The following TBC1D9B variants were observed in gnomAD, a reference collection of about 807,000 sequenced individuals.
TBC1D9B encodes TBC1 domain family, member 9B (with GRAM domain).
In TBC1D9B, 87 loss-of-function variants were observed where a neutral mutation model predicts 121.1. That is an observed-to-expected ratio of 0.72 (90% CI 0.60 to 0.86). The LOEUF is 0.86. Ranked by LOEUF, TBC1D9B falls within the 40% of genes least tolerant of loss-of-function variation. TBC1D9B has a pLI of 0.00. For synonymous variants in TBC1D9B, 668 were observed against 670.1 expected (o/e 1.00, Z 0.05); for missense variants, 1,540 against 1,628.6 (o/e 0.95, Z 0.94).
rs1026035376 is a variant in TBC1D9B, at chr5:179,904,989, G to A, written c.119-177C>T. ...AGGCCTTCAGCCAGTGTCTGATCCCGATCAAAAACATCCCCTTCTACTTCT... is the reference window on the plus strand; with the variant it reads ...AGGCCTTCAGCCAGTGTCTGATCCCAATCAAAAACATCCCCTTCTACTTCT... On this transcript the variant is annotated intron_variant, in intron 1 of 20. Transcript: ENST00000355235. This position sits in a 1 kb window ranked among gnomAD's most constrained non-coding sequence, Gnocchi z 4.2. 1.3e-5 allele frequency among the ~76,000 whole-genome samples: 2 copies of A among 152,182 alleles called. No homozygotes were observed. The highest frequency in any genetic ancestry group is 2.1e-4 in the South Asian group (1 of 4,828).
rs1186760410 is a variant in TBC1D9B at position 179,876,009 on chromosome 5, AG to A, written c.1810del (p.Leu604CysfsTer59). 2 of 1,612,722 alleles carry A rather than the reference AG, an allele frequency of 1.2e-6. No homozygotes were observed. Among genetic ancestry groups the A allele is most frequent in the African/African-American group, 2.7e-5 (2 of 74,880 alleles). ...GGCCTCCTCCTCACTGCCATAGAGC[AG>A]GAGCACCGAGGTCACGATGTTCATT... ...QAMNIVTSVL[L>X]LYGSEEEAFW... is the part of the protein sequence containing the mutation. On this transcript the variant is annotated frameshift_variant, in exon 11 of 21. Coordinates refer to ENST00000355235, the MANE Select transcript of TBC1D9B (RefSeq NM_015043.4). LOFTEE classifies it high-confidence loss of function.
intron 3 of TBC1D9B, among the ~76,000 whole-genome samples, chr5:179,895,932 G>T (rs1275127814): frequency 6.6e-6 from 1 of 152,188 alleles, no homozygotes; most frequent in Admixed American, 6.5e-5. Context: ...CACAGGAAAA[G>T]CTCTTTCTGC....
rs1760305379 is a variant in TBC1D9B at position 179,874,595 on chromosome 5, G to A, written c.2186+307C>T. On this transcript the variant is annotated intron_variant, in intron 12 of 20. Transcript: ENST00000355235. This position sits in a 1 kb window ranked among gnomAD's most constrained non-coding sequence, Gnocchi z 4.3. ...CCCAGCTGTGCCACCAACTGGAATT[G>A]TGGTCACTGGATCTTGGCTCTGGTT... Among the ~76,000 whole-genome samples, 2 of 152,204 alleles carry A rather than the reference G, an allele frequency of 1.3e-5. No homozygotes were observed. Among genetic ancestry groups the A allele is most frequent in the African/African-American group, 4.8e-5 (2 of 41,444 alleles).
At chr5:179,871,719 C>A in intron 14 of TBC1D9B, 189 bp from the exon 15 acceptor site, 1 of 567,888 alleles carries the variant, frequency 1.8e-6, no homozygotes, top group Non-Finnish European at 3.2e-6. Context: ...CCCCCACCTA[C>A]CACTCAGCTC....
intron 3 of TBC1D9B, among the ~76,000 whole-genome samples, chr5:179,898,938 C>T (rs1037335506): frequency 6.6e-6 from 1 of 152,214 alleles, no homozygotes; most frequent in African/African-American, 2.4e-5. Context: ...CCTTCCAAGG[C>T]ACTTGGGTAG....
chr5:179,875,935 TGTA>T lies in TBC1D9B; in HGVS notation c.1882_1884del (p.Tyr628del). 6.2e-7 allele frequency: 1 copy of T among 1,607,556 alleles called. No individual in the cohort carries two copies. On this transcript the variant is annotated inframe_deletion, in exon 11 of 21. Coordinates refer to ENST00000355235, the MANE Select transcript of TBC1D9B (RefSeq NM_015043.4). This position sits in a 1 kb window ranked among gnomAD's most constrained non-coding sequence, Gnocchi z 4.5. Reference sequence around the variant, plus strand: ...GGACACTCACCCACCACCCTGGTGTTGTAGTAGTCGGGCAGCATGCGCTCGCAC... The same window carrying T: ...GGACACTCACCCACCACCCTGGTGTTGTAGTCGGGCAGCATGCGCTCGCAC...
rs1362047472 is a variant in TBC1D9B, at chr5:179,885,434, A to T, written c.1254+2669T>A. Among the ~76,000 whole-genome samples the T allele has an allele frequency of 1.3e-5, 2 of 152,022 alleles. No individual in the cohort carries two copies. Among genetic ancestry groups the T allele is most frequent in the Admixed American group, 1.3e-4 (2 of 15,274 alleles). The stretch of plus-strand genomic sequence containing the variant: ...GCAAAAACCCGTCTCTACTAAAAAT[A>T]CAAAATAAGCCGGGCGTGGTGGTGG... On this transcript the variant is annotated intron_variant, in intron 7 of 20. Transcript: ENST00000355235. The surrounding 1 kb of genome is among the most constrained non-coding windows in gnomAD (Gnocchi z 4.5).
intron 5 of TBC1D9B, among the ~76,000 whole-genome samples, chr5:179,892,822 A>C (rs1255115550): frequency 6.6e-6 from 1 of 152,074 alleles, no homozygotes; most frequent in Non-Finnish European, 1.5e-5. Flanking sequence ...GTGTCAGAAC[A>C]CCCTGGCTGA....
chr5:179,906,215 C>G (rs1178550867), intron 1 of TBC1D9B, among the ~76,000 whole-genome samples: 1 of 152,208 alleles, frequency 6.6e-6, no homozygotes, highest in African/African-American at 2.4e-5. Context: ...CCACGATGCC[C>G]ATGATGGCAC....
Position 179,888,251 on chromosome 5 carries a change from G to C in TBC1D9B, c.1106C>G (p.Thr369Ser). 1 of 1,611,834 alleles carries C rather than the reference G, an allele frequency of 6.2e-7. No individual in the cohort carries two copies. Among genetic ancestry groups the C allele is most frequent in the Non-Finnish European group, 8.5e-7 (1 of 1,179,328 alleles). ...SVLPSPLSIS[T>S]KSKMTFLFAN... ...AAACAGGAATGTCATTTTGCTTTTGGTGCTGATGGACAGGGGGCTGGGCAG... is the reference window on the plus strand; with the variant it reads ...AAACAGGAATGTCATTTTGCTTTTGCTGCTGATGGACAGGGGGCTGGGCAG... Residue 369 changes from threonine (T) to serine (S), a missense_variant, in exon 7 of 21, where the codon ACC becomes AGC. Coordinates refer to ENST00000355235, the MANE Select transcript of TBC1D9B (RefSeq NM_015043.4).
At position 179,885,602 on chromosome 5, in the gene TBC1D9B, A is replaced by G. The variant is rs968430792; in HGVS notation, c.1254+2501T>C. On this transcript the variant is annotated intron_variant, in intron 7 of 20. Transcript: ENST00000355235. This position sits in a 1 kb window ranked among gnomAD's most constrained non-coding sequence, Gnocchi z 4.5. Reference sequence around the variant, plus strand: ...AGACTCTGTCCCCCCCCCAAAAAAAAAAAGATGGAGGTATTTTACGTTTTT... The same window carrying G: ...AGACTCTGTCCCCCCCCCAAAAAAAGAAAGATGGAGGTATTTTACGTTTTT... Among the ~76,000 whole-genome samples, 4 of 152,100 alleles carry G rather than the reference A, an allele frequency of 2.6e-5. No individual in the cohort carries two copies. Among genetic ancestry groups the G allele is most frequent in the African/African-American group, 9.7e-5 (4 of 41,416 alleles).
In TBC1D9B at chr5:179,904,695, C is replaced by T; in HGVS notation, c.229+7G>A. ...GCCCAGCACCCCTCACCACTCAGGGCACCTACCACACGCCACTGTCCAGTA... is the reference window on the plus strand; with the variant it reads ...GCCCAGCACCCCTCACCACTCAGGGTACCTACCACACGCCACTGTCCAGTA... On this transcript the variant is annotated splice_region_variant and intron_variant, in intron 2 of 20. Coordinates refer to ENST00000355235, the MANE Select transcript of TBC1D9B (RefSeq NM_015043.4). The surrounding 1 kb of genome is among the most constrained non-coding windows in gnomAD (Gnocchi z 4.2). 1 of 1,559,474 alleles carries T rather than the reference C, an allele frequency of 6.4e-7. No individual in the cohort carries two copies.
At position 179,865,135 on chromosome 5, in the gene TBC1D9B, G is replaced by A; in HGVS notation, c.3021+119C>T. On this transcript the variant is annotated intron_variant, in intron 20 of 20. Transcript: ENST00000355235. The surrounding 1 kb of genome is among the most constrained non-coding windows in gnomAD (Gnocchi z 5.1). ...GCAACCAGGACTAACGGGCTCTAGA[G>A]GCAGGGAGGAGCCTTCCCACCCACC... 1 of 928,684 alleles carries A rather than the reference G, an allele frequency of 1.1e-6. No homozygotes were observed. The highest frequency in any genetic ancestry group is 1.7e-6 in the Non-Finnish European group (1 of 584,202). 57.5% of individuals were successfully genotyped at this position (928,684 alleles called of 1,614,324 possible).
chr5:179,881,945 C>CTTTTTTTTTTTTTTTTTT (rs1561640797), intron 7 of TBC1D9B, among the ~76,000 whole-genome samples: 2 of 139,262 alleles, frequency 1.4e-5, no homozygotes, highest in African/African-American at 6.5e-5. Flanking sequence ...ATATACCTTC[C>CTTTTTTTTTTTTTTTTTT]GTTTTTTTTT....
At chr5:179,883,657 C>T (rs1253619564) in intron 7 of TBC1D9B, among the ~76,000 whole-genome samples, 3 of 151,882 alleles carry the variant, frequency 2.0e-5, no homozygotes, top group Non-Finnish European at 4.4e-5. Context: ...TAGTTTCTGT[C>T]GTTTTTCTAA....
intron 3 of TBC1D9B, among the ~76,000 whole-genome samples, chr5:179,897,706 C>T (rs183016790): frequency 1.3e-5 from 2 of 152,316 alleles, no homozygotes; most frequent in African/African-American, 4.8e-5. Flanking sequence ...GTTTGTTGGG[C>T]CTGGCATATA....
intron 4 of TBC1D9B, 64 bp from the exon 5 acceptor site, chr5:179,893,531 A>G: frequency 3.9e-6 from 6 of 1,542,250 alleles, no homozygotes; most frequent in South Asian, 1.2e-5. Context: ...CCTGATGCCC[A>G]TCTGTACCCC....
chr5:179,881,209 G>A (rs1002293625), intron 7 of TBC1D9B, among the ~76,000 whole-genome samples: 4 of 152,214 alleles, frequency 2.6e-5, no homozygotes, highest in African/African-American at 9.6e-5. Flanking sequence ...CTGGCCTCAG[G>A]TGGGTGCTCA....
chr5:179,880,042 G>A lies in TBC1D9B; in HGVS notation c.1255-253C>T, dbSNP rs142887007. ...CTCACCAGCGAGTCAGTCTCAGGGAGCGGGTTCTGGGCTCACCCTGTGGGG... is the reference window on the plus strand; with the variant it reads ...CTCACCAGCGAGTCAGTCTCAGGGAACGGGTTCTGGGCTCACCCTGTGGGG... On this transcript the variant is annotated intron_variant, in intron 7 of 20. Transcript: ENST00000355235. 2.2e-4 allele frequency: 124 copies of A among 564,894 alleles called. 1 individual carries two copies. The East Asian group carries it at 3.8e-3, about 17-fold the overall frequency. 35.0% of individuals were successfully genotyped at this position (564,894 alleles called of 1,614,324 possible).
Sources: gnomAD v4.1 joint callset for allele counts (sites outside exome capture counted in the v4.1 genomes callset) on GRCh38, gnomAD v4.1.1 for gene constraint, Gnocchi (gnomAD v3.1) non-coding constraint, MANE v1.5 for transcripts, NCBI Gene and HGNC (gene_info 2026-07-23, HGNC 2026-07-21) for gene names.